Variants in LTBP4 observed in about 807,000 individuals in gnomAD.
LTBP4 encodes latent-transforming growth factor beta-binding protein 4.
A neutral mutation model predicts 180.2 loss-of-function variants in LTBP4; 93 were observed. That is an observed-to-expected ratio of 0.52 (90% confidence interval 0.44 to 0.61). The LOEUF (loss-of-function observed/expected upper bound fraction) is 0.61, where lower values mean the gene tolerates loss of function less well. LTBP4 is among the 20% of genes least tolerant of loss of function. LTBP4 has a pLI of 0.00. For synonymous variants in LTBP4, 947 were observed against 934.5 expected (o/e 1.01, Z -0.24); for missense variants, 2,116 against 2,256.5 (o/e 0.94, Z 1.26).
rs1438217966 is a variant in LTBP4 at position 40,611,100 on chromosome 19, G to C, written c.1811-52G>C. On this transcript the variant is annotated intron_variant, in intron 12 of 29. Coordinates refer to ENST00000396819, the MANE Select transcript of LTBP4 (RefSeq NM_001042545.2). The surrounding 1 kb of genome is among the most constrained non-coding windows in gnomAD (Gnocchi z 4.4). Reference sequence around the variant, plus strand: ...GAGGGTGGAAAGCCAAAGTGACAGAGGTCAGGGAGGCAGAGGGGAACAAGT... The same window carrying C: ...GAGGGTGGAAAGCCAAAGTGACAGACGTCAGGGAGGCAGAGGGGAACAAGT... 6.2e-7 allele frequency: 1 copy of C among 1,605,888 alleles called. No individual in the cohort carries two copies. The highest frequency in any genetic ancestry group is 1.3e-5 in the African/African-American group (1 of 74,760).
At position 40,622,221 on chromosome 19, in the gene LTBP4, G is replaced by A. The variant is rs1316473201; in HGVS notation, c.3218-180G>A. On this transcript the variant is annotated intron_variant, in intron 22 of 29. Coordinates refer to ENST00000396819, the MANE Select transcript of LTBP4 (RefSeq NM_001042545.2). The surrounding 1 kb of genome is among the most constrained non-coding windows in gnomAD (Gnocchi z 5.1). ...GCAAGAGATGCAGAAATGACAGGAG[G>A]TGACAGTGGGAGAAAGAGAAACAGT... 1.3e-5 allele frequency among the ~76,000 whole-genome samples: 2 copies of A among 152,192 alleles called. No homozygotes were observed. Among genetic ancestry groups the A allele is most frequent in the Non-Finnish European group, 2.9e-5 (2 of 68,024 alleles).
At position 40,612,092 on chromosome 19, in the gene LTBP4, C is replaced by G. The variant is rs761164672; in HGVS notation, c.2199C>G (p.Asn733Lys). 1.9e-6 allele frequency: 3 copies of G among 1,613,640 alleles called. No homozygotes were observed. The highest frequency in any genetic ancestry group is 2.5e-6 in the Non-Finnish European group (3 of 1,179,766). ...CCCCAGATGTGGATGAGTGTGAGAACCACCTCGCATGCCCTGGGCAGGAGT... is the reference window on the plus strand; with the variant it reads ...CCCCAGATGTGGATGAGTGTGAGAAGCACCTCGCATGCCCTGGGCAGGAGT... ...SECEDVDECENHLACPGQECV... is the reference protein window; with the variant it reads ...SECEDVDECEKHLACPGQECV... The change falls in exon 15 of 30, where the codon AAC (asparagine) becomes AAG (lysine). Residue 733 changes from asparagine to lysine, a missense_variant. Physicochemically the swap from Asn to Lys is moderately conservative, Grantham distance 94. Around this residue, in one of 5 missense-constraint regions of LTBP4, gnomAD observed 877 missense variants for 873.6 expected, o/e 1.00. Coordinates refer to ENST00000396819, the MANE Select transcript of LTBP4 (RefSeq NM_001042545.2).
intron 29 of LTBP4, 122 bp downstream of exon 29, chr19:40,627,979 C>A: frequency 7.5e-7 from 1 of 1,328,018 alleles, no homozygotes; most frequent in South Asian, 1.5e-5. Context: ...GGGGACGGGC[C>A]AGCGCAAAAG....
At chr19:40,599,652 TC>T (rs59021277), upstream of LTBP4, 3,483 of 1,156,944 alleles carry the variant, frequency 3.0e-3, 84 homozygotes, top group African/African-American at 0.05. Flanking sequence ...TCCCTCTCTC[TC>T]CCCCCTCCCT....
At chr19:40,599,808 TCTCC>T (rs2081411184), upstream of LTBP4, 1 of 571,432 alleles carries the variant, frequency 1.7e-6, no homozygotes, top group Non-Finnish European at 3.1e-6. Context: ...TCTCTCTCTT[TCTCC>T]CTGTGTCTCA....
upstream of LTBP4, chr19:40,599,869 TCCCCCAA>T: frequency 2.0e-6 from 1 of 504,208 alleles, no homozygotes; most frequent in Non-Finnish European, 3.5e-6. Flanking sequence ...TCTCTTTCTC[TCCCCCAA>T]CCCCCATCAT....
intron 1 of LTBP4, among the ~76,000 whole-genome samples, chr19:40,602,660 C>T (rs1036966077): frequency 3.3e-5 from 5 of 152,172 alleles, no homozygotes; most frequent in Non-Finnish European, 7.4e-5. Context: ...GGGTGCCAAG[C>T]CCTTGGGGGT....
At chr19:40,612,849 C>T (rs538358335) in intron 15 of LTBP4, among the ~76,000 whole-genome samples, 1 of 152,336 alleles carries the variant, frequency 6.6e-6, no homozygotes, top group South Asian at 2.1e-4. Context: ...AATCCTGGCA[C>T]AGGTAGTTCC....
In LTBP4 at chr19:40,614,402, A is replaced by G. The variant is rs916578323; in HGVS notation, c.2768A>G (p.Asp923Gly). 1 of 1,599,924 alleles carries G rather than the reference A, an allele frequency of 6.3e-7. No individual in the cohort carries two copies. The highest frequency in any genetic ancestry group is 1.7e-5 in the Admixed American group (1 of 59,988). The change falls in exon 19 of 30, where the codon GAC becomes GGC. Residue 923 changes from aspartate (D) to glycine (G), a missense_variant. Asp to Gly is a moderately conservative substitution (Grantham distance 94). Coordinates refer to ENST00000396819, the MANE Select transcript of LTBP4 (RefSeq NM_001042545.2). Reference protein sequence around the residue: ...NSPGSYRCVRDCDPGYHAGPE... With the variant: ...NSPGSYRCVRGCDPGYHAGPE... Reference sequence around the variant, plus strand: ...CCCGGCTCCTACCGCTGTGTCCGGGACTGCGATCCTGGGTACCACGCGGGC... The same window carrying G: ...CCCGGCTCCTACCGCTGTGTCCGGGGCTGCGATCCTGGGTACCACGCGGGC...
At chr19:40,596,224 T>G (rs888020512) in intron 1 of LTBP4, among the ~76,000 whole-genome samples, 6 of 151,630 alleles carry the variant, frequency 4.0e-5, no homozygotes, top group Non-Finnish European at 8.8e-5. Flanking sequence ...CCGGCCTAAT[T>G]TTTGGATTTT....
At chr19:40,601,762 C>A in intron 1 of LTBP4, 125 bp downstream of exon 1, 1 of 786,358 alleles carries the variant, frequency 1.3e-6, no homozygotes. Context: ...AAGGGAATAT[C>A]AGGGGCTATT....
chr19:40,601,057 T>A (rs186310455), upstream of LTBP4, among the ~76,000 whole-genome samples: 201 of 152,252 alleles, frequency 1.3e-3, 1 homozygote, highest in African/African-American at 4.5e-3. Context: ...GATTTCCTCT[T>A]TATGGATTCA....
rs2081449025 is a variant in LTBP4, at chr19:40,605,101, C to T, written c.317C>T (p.Pro106Leu). 3 of 1,613,902 alleles carry T rather than the reference C, an allele frequency of 1.9e-6. No individual in the cohort carries two copies. Among genetic ancestry groups the T allele is most frequent in the South Asian group, 1.1e-5 (1 of 91,074 alleles). Residue 106 changes from proline (P) to leucine (L), a missense_variant, in exon 2 of 30, where the codon CCG (proline) becomes CTG (leucine). By Grantham distance (98) the Pro-to-Leu change is moderately conservative (BLOSUM62 -3). Coordinates refer to ENST00000396819, the MANE Select transcript of LTBP4 (RefSeq NM_001042545.2). This position sits in a 1 kb window ranked among gnomAD's most constrained non-coding sequence, Gnocchi z 5.5. The stretch of plus-strand genomic sequence containing the variant: ...AAGCCTGACCGCTGCCTCTGTCCCC[C>T]GGACTTCGCTGGCAAGTTCTGCCAG... ...CVKPDRCLCPPDFAGKFCQLH... is the reference protein window; with the variant it reads ...CVKPDRCLCPLDFAGKFCQLH...
chr19:40,596,860 G>A (rs1029137533), upstream of LTBP4, among the ~76,000 whole-genome samples: 3 of 152,122 alleles, frequency 2.0e-5, no homozygotes, highest in Non-Finnish European at 4.4e-5. Context: ...ATGGAGTCCA[G>A]CTTAGGGGAC....
intron 26 of LTBP4, 31 bp downstream of exon 26, chr19:40,624,113 T>G: frequency 6.7e-7 from 1 of 1,495,872 alleles, no homozygotes; most frequent in Non-Finnish European, 8.9e-7. Context: ...CAGGCCCTCC[T>G]TCCCTTGGCT....
At position 40,627,048 on chromosome 19, in the gene LTBP4, C is replaced by A. The variant is rs534383558; in HGVS notation, c.4059C>A (p.Leu1353=). 4 of 1,613,096 alleles carry A rather than the reference C, an allele frequency of 2.5e-6. No homozygotes were observed. The African/African-American group carries it at 5.3e-5, about 22-fold the overall frequency. ...YSPPRPGGFG[L]PYEYGPDLGP... The stretch of plus-strand genomic sequence containing the variant: ...CCCCGCGACCAGGTGGCTTTGGACT[C>A]CCCTACGAGTACGGCCCAGACTTAG... Residue 1353 remains leucine (L), a synonymous_variant, in exon 28 of 30, where the codon CTC becomes CTA. Coordinates refer to ENST00000396819, the MANE Select transcript of LTBP4 (RefSeq NM_001042545.2).
upstream of LTBP4, chr19:40,597,523 C>T: frequency 1.0e-6 from 1 of 980,710 alleles, no homozygotes; most frequent in Non-Finnish European, 1.4e-6. Flanking sequence ...ATTAGGCGCC[C>T]TCAATTTGTA....
intron 11 of LTBP4, chr19:40,610,281 C>A: frequency 1.9e-6 from 1 of 539,702 alleles, no homozygotes; most frequent in Non-Finnish European, 3.3e-6. Context: ...CTGCTCCTTT[C>A]TTCTCTAGCC....
intron 29 of LTBP4, 113 bp downstream of exon 29, chr19:40,627,970 G>C: frequency 7.3e-7 from 1 of 1,376,838 alleles, no homozygotes; most frequent in Non-Finnish European, 9.7e-7. Context: ...CTCACTACAG[G>C]GGACGGGCCA....
Sources: gnomAD v4.1 joint callset for allele counts (sites outside exome capture counted in the v4.1 genomes callset) on GRCh38, gnomAD v4.1.1 for gene constraint, gnomAD v4.1.1 regional missense constraint, Gnocchi (gnomAD v3.1) non-coding constraint, MANE v1.5 for transcripts, NCBI Gene and HGNC (gene_info 2026-07-23, HGNC 2026-07-21) for gene names.